CRLS1: variants seen among roughly 807,000 people sequenced by gnomAD.
CRLS1 encodes the protein cardiolipin synthase 1, also known as cardiolipin synthase (CMP-forming).
In CRLS1, 24 loss-of-function variants were observed where a neutral mutation model predicts 37.0. That is an observed-to-expected ratio of 0.65 (90% CI 0.47 to 0.91). The LOEUF (loss-of-function observed/expected upper bound fraction) is 0.91. Among genes scored for constraint, CRLS1 ranks in the 40% least tolerant of loss-of-function variants. CRLS1 has a pLI of 0.00. For synonymous variants in CRLS1, 135 were observed against 159.7 expected (o/e 0.85, Z 1.17); for missense variants, 373 against 395.8 (o/e 0.94, Z 0.49).
At chr20:6,018,353 T>C (rs1280316256) in intron 3 of CRLS1, among the ~76,000 whole-genome samples, 1 of 152,200 alleles carries the variant, frequency 6.6e-6, no homozygotes, top group Non-Finnish European at 1.5e-5. Context: ...ATAAATTTGC[T>C]TGGATTTTTT....
At chr20:6,010,071 T>C (rs967479116) in intron 2 of CRLS1, among the ~76,000 whole-genome samples, 159 bp downstream of exon 2, 1 of 95,918 alleles carries the variant, frequency 1.0e-5, no homozygotes, top group African/African-American at 3.8e-5. Context: ...TTAGCATCTA[T>C]ATGGGATTTT....
chr20:6,018,787 T>C (rs970048744), intron 3 of CRLS1, among the ~76,000 whole-genome samples: 4 of 152,188 alleles, frequency 2.6e-5, no homozygotes, highest in Non-Finnish European at 5.9e-5. Flanking sequence ...TTTTGTGTAT[T>C]CCTATGGTCA....
At chr20:6,019,881 C>T (rs1979113484) in intron 3 of CRLS1, among the ~76,000 whole-genome samples, 1 of 151,636 alleles carries the variant, frequency 6.6e-6, no homozygotes, top group Non-Finnish European at 1.5e-5. Context: ...CCAGGCTGGC[C>T]TCGAACTCCT....
chr20:6,019,691 CT>C (rs146083457), intron 3 of CRLS1, among the ~76,000 whole-genome samples: 3,537 of 120,230 alleles, frequency 0.029, 120 homozygotes, highest in African/African-American at 0.078. Context: ...TTTCGAAATT[CT>C]TTTTTTTTTT....
intron 5 of CRLS1, among the ~76,000 whole-genome samples, chr20:6,033,453 T>C (rs1454186981): frequency 6.6e-6 from 1 of 152,168 alleles, no homozygotes; most frequent in Non-Finnish European, 1.5e-5. Context: ...ATTTTTTAAA[T>C]GAAGTAGAAT....
At position 6,037,116 on chromosome 20, in the gene CRLS1, C is replaced by A. The variant is rs1190090905; in HGVS notation, c.864C>A (p.Tyr288Ter). Residue 288 changes from tyrosine (Y) to a stop codon, truncating the protein, a stop_gained, in exon 7 of 7, where the codon TAC becomes TAA. Transcript: ENST00000378863. LOFTEE classifies it high-confidence loss of function. ...CCACAGCTGCATCAGCTTATAGTTA[C>A]TATCATTATGGCCGGAAGACTGTTC... ...AFTTAASAYS[Y>*]YHYGRKTVQV... 1.2e-6 allele frequency: 2 copies of A among 1,613,654 alleles called. No homozygotes were observed. The highest frequency in any genetic ancestry group is 3.3e-4 in the Middle Eastern group (2 of 6,058).
intron 3 of CRLS1, 37 bp downstream of exon 3, chr20:6,015,527 G>A: frequency 6.2e-7 from 1 of 1,601,222 alleles, no homozygotes; most frequent in Non-Finnish European, 8.6e-7. Flanking sequence ...AATAGCACAG[G>A]GAAGAATGAC....
chr20:6,028,298 T>C (rs1979886142), intron 3 of CRLS1: 2 of 152,182 alleles, frequency 1.3e-5, no homozygotes, highest in Admixed American at 1.3e-4. Context: ...ATTCTTTGGC[T>C]TATATGTTAA....
chr20:6,011,463 T>C (rs1234504652), intron 2 of CRLS1, among the ~76,000 whole-genome samples: 3 of 151,146 alleles, frequency 2.0e-5, no homozygotes, highest in Admixed American at 6.6e-5. Context: ...GCTTCAAACA[T>C]AGCCTCCCAA....
rs143926453 is a variant in CRLS1, at chr20:6,019,889, C to T, written c.574+4399C>T. ...ATGTTGGCCAGGCTGGCCTCGAACT[C>T]CTCACCTCAGGTGATCCTGAAGTGA... On this transcript the variant is annotated intron_variant, in intron 3 of 6. Transcript: ENST00000378863. 4.0e-3 allele frequency among the ~76,000 whole-genome samples: 601 copies of T among 151,994 alleles called. 1 individual carries two copies. The highest frequency in any genetic ancestry group is 7.3e-3 in the Non-Finnish European group (493 of 67,962).
chr20:6,015,518 A>G, intron 3 of CRLS1, 28 bp downstream of exon 3: 1 of 1,606,888 alleles, frequency 6.2e-7, no homozygotes, highest in Non-Finnish European at 8.5e-7. Context: ...GTACTTTTGA[A>G]TAGCACAGGG....
In CRLS1 at chr20:6,006,328, C is replaced by G; in HGVS notation, c.82C>G (p.Arg28Gly). 7.4e-7 allele frequency: 1 copy of G among 1,349,886 alleles called. No homozygotes were observed. The highest frequency in any genetic ancestry group is 9.5e-7 in the Non-Finnish European group (1 of 1,049,324). The allele number at this position is 1,349,886 out of a possible 1,614,324, so 83.6% of individuals were successfully genotyped here. ...AWAPGTRPSK[R>G]RACWALLPPV... ...GGCTCCGGGAACGCGGCCGAGTAAG[C>G]GACGCGCCTGCTGGGCCCTGCTGCC... Residue 28 changes from arginine to glycine, a missense_variant, in exon 1 of 7, where the codon CGA (arginine) becomes GGA (glycine). Arg to Gly is a moderately radical substitution (Grantham distance 125). Coordinates refer to ENST00000378863, the MANE Select transcript of CRLS1 (RefSeq NM_019095.6).
At chr20:6,008,456 A>T (rs181219371) in intron 1 of CRLS1, among the ~76,000 whole-genome samples, 1 of 152,306 alleles carries the variant, frequency 6.6e-6, no homozygotes, top group Non-Finnish European at 1.5e-5. Flanking sequence ...CAAGAAGGGG[A>T]TGTTCTTCAG....
At chr20:6,006,650 C>T (rs1034704543) in intron 1 of CRLS1, 98 bp downstream of exon 1, 2 of 1,212,850 alleles carry the variant, frequency 1.6e-6, no homozygotes, top group Non-Finnish European at 2.0e-6. Flanking sequence ...CGGACGCTTC[C>T]GTTTCCTAAC....
intron 3 of CRLS1, among the ~76,000 whole-genome samples, chr20:6,021,521 G>A (rs2122972962): frequency 6.6e-6 from 1 of 152,262 alleles, no homozygotes; most frequent in Non-Finnish European, 1.5e-5. Flanking sequence ...CTTAAGCTCT[G>A]CTGGCTTGCT....
chr20:6,007,372 C>T (rs763592021), intron 1 of CRLS1: 3 of 1,613,396 alleles, frequency 1.9e-6, no homozygotes, highest in Middle Eastern at 3.3e-4. Context: ...TGACTGAAGT[C>T]CTTCCCAGAA....
rs113984899 is a variant in CRLS1, at chr20:6,012,323, C to T, written c.444+2411C>T. Among the ~76,000 whole-genome samples, 96 of 152,288 alleles carry T rather than the reference C, an allele frequency of 6.3e-4. 1 individual carries two copies. Among genetic ancestry groups the T allele is most frequent in the African/African-American group, 2.3e-3 (95 of 41,552 alleles). On this transcript the variant is annotated intron_variant, in intron 2 of 6. Transcript: ENST00000378863. ...GCTGAGTAAGTGGTTAGGGGGCTGA[C>T]CATGATCCAGCAAGAGTGGAAGCAG... is the stretch of plus-strand genomic sequence containing the variant.
At chr20:6,035,131 T>TA (rs1434364005) in intron 6 of CRLS1, among the ~76,000 whole-genome samples, 1 of 152,242 alleles carries the variant, frequency 6.6e-6, no homozygotes, top group Non-Finnish European at 1.5e-5. Flanking sequence ...TAACTAGAAT[T>TA]AAAATTATCT....
chr20:6,018,802 ATT>A (rs939289150), intron 3 of CRLS1, among the ~76,000 whole-genome samples: 2 of 152,100 alleles, frequency 1.3e-5, no homozygotes, highest in Non-Finnish European at 2.9e-5. Context: ...TGGTCATATC[ATT>A]TTTCCCTTTA....
Sources: gnomAD v4.1 joint callset for allele counts (sites outside exome capture counted in the v4.1 genomes callset) on GRCh38, gnomAD v4.1.1 for gene constraint, MANE v1.5 for transcripts, NCBI Gene and HGNC (gene_info 2026-07-23, HGNC 2026-07-21) for gene names.